EIF4E: variants seen among roughly 807,000 people sequenced by gnomAD.
EIF4E encodes eukaryotic translation initiation factor 4E.
For synonymous variants in EIF4E, 71 were observed against 88.5 expected, an observed-to-expected ratio of 0.80 and a Z score of 1.11; for missense variants, 113 against 265.6, an observed-to-expected ratio of 0.43 and a Z score of 3.99.
chr4:98,896,208 T>TAAAAG (rs1724378227), intron 2 of EIF4E, among the ~76,000 whole-genome samples: 1 of 150,708 alleles, frequency 6.6e-6, no homozygotes, highest in African/African-American at 2.5e-5. Flanking sequence ...TAAAATAAAA[T>TAAAAG]AAAATAAAAT....
At chr4:98,900,595 T>A (rs996141182) in intron 2 of EIF4E, among the ~76,000 whole-genome samples, 2 of 152,168 alleles carry the variant, frequency 1.3e-5, no homozygotes, top group African/African-American at 4.8e-5. Flanking sequence ...AGAAATGAAC[T>A]GAAATACTTC....
chr4:98,924,100 C>T (rs1484051165), intron 1 of EIF4E, among the ~76,000 whole-genome samples: 1 of 146,988 alleles, frequency 6.8e-6, no homozygotes. Flanking sequence ...TTTTTTGAGA[C>T]GGAGTCTCGC....
At chr4:98,924,696 G>T (rs972790583) in intron 1 of EIF4E, among the ~76,000 whole-genome samples, 4 of 152,042 alleles carry the variant, frequency 2.6e-5, no homozygotes, top group Non-Finnish European at 5.9e-5. Flanking sequence ...AGGTTCAAGC[G>T]ATTCTCCTGC....
chr4:98,915,205 C>A (rs769039279), intron 1 of EIF4E, among the ~76,000 whole-genome samples: 4 of 152,200 alleles, frequency 2.6e-5, no homozygotes, highest in African/African-American at 4.8e-5. Context: ...CCTGCCTCAG[C>A]CTCCCAAAGT....
chr4:98,897,025 T>G (rs1229895743), intron 2 of EIF4E, among the ~76,000 whole-genome samples: 5 of 152,172 alleles, frequency 3.3e-5, no homozygotes, highest in African/African-American at 4.8e-5. Flanking sequence ...CAACAAGGAA[T>G]TATTTAAATC....
chr4:98,915,107 C>T (rs1170792795), intron 1 of EIF4E, among the ~76,000 whole-genome samples: 1 of 152,076 alleles, frequency 6.6e-6, no homozygotes, highest in African/African-American at 2.4e-5. Flanking sequence ...CCACACCCAG[C>T]TAGTTTTTTG....
chr4:98,891,467 C>A (rs1724140026), intron 2 of EIF4E, 135 bp from the exon 3 acceptor site: 1 of 712,860 alleles, frequency 1.4e-6, no homozygotes, highest in Non-Finnish European at 2.4e-6. Flanking sequence ...TATATACACA[C>A]AATGGAATAC....
chr4:98,909,313 T>C (rs1560647625), intron 1 of EIF4E, among the ~76,000 whole-genome samples: 1 of 152,264 alleles, frequency 6.6e-6, no homozygotes, highest in Non-Finnish European at 1.5e-5. Flanking sequence ...CATTATTTAA[T>C]ACAAATATGT....
chr4:98,913,428 T>G (rs1725237970), intron 1 of EIF4E, among the ~76,000 whole-genome samples: 1 of 151,974 alleles, frequency 6.6e-6, no homozygotes, highest in African/African-American at 2.4e-5. Context: ...ACTCCTAGGC[T>G]CAAGAGACGA....
intron 1 of EIF4E, chr4:98,909,494 GA>G: frequency 1.7e-6 from 1 of 576,570 alleles, no homozygotes; most frequent in Non-Finnish European, 3.1e-6. Context: ...ATGTAAACTG[GA>G]CCCCATGATT....
chr4:98,923,799 TA>T (rs1456472596), intron 1 of EIF4E, among the ~76,000 whole-genome samples: 4 of 152,248 alleles, frequency 2.6e-5, no homozygotes, highest in Non-Finnish European at 4.4e-5. Context: ...AAATAGTATG[TA>T]AATGCATGGA....
At chr4:98,901,638 C>T (rs1579165198) in intron 2 of EIF4E, among the ~76,000 whole-genome samples, 1 of 152,222 alleles carries the variant, frequency 6.6e-6, no homozygotes, top group African/African-American at 2.4e-5. Flanking sequence ...AACTTATTTA[C>T]TAATGTGGCT....
intron 1 of EIF4E, among the ~76,000 whole-genome samples, chr4:98,909,148 A>C (rs1725001236): frequency 6.6e-6 from 1 of 152,176 alleles, no homozygotes; most frequent in South Asian, 2.1e-4. Flanking sequence ...CCAGACACAC[A>C]AAAAAACCCA....
chr4:98,928,664 C>T (rs947030966), intron 1 of EIF4E, among the ~76,000 whole-genome samples: 2 of 152,120 alleles, frequency 1.3e-5, no homozygotes, highest in Non-Finnish European at 2.9e-5. Context: ...GGAAAGGCTG[C>T]TCCAGGGCTC....
chr4:98,887,003 T>TAAATTAA lies in EIF4E; in HGVS notation c.399+75_399+76insTTAATTT. The stretch of plus-strand genomic sequence containing the variant: ...TCCTTCTCTTAAATTAAGTAACAAA[T>TAAATTAA]GTAAAACATAACATATCTTAAGTAT... On this transcript the variant is annotated intron_variant, in intron 5 of 6. Transcript: ENST00000450253. This position sits in a 1 kb window ranked among gnomAD's most constrained non-coding sequence, Gnocchi z 4.0. 1 of 1,438,362 alleles carries TAAATTAA rather than the reference T, an allele frequency of 7.0e-7. No individual in the cohort carries two copies. Among genetic ancestry groups the TAAATTAA allele is most frequent in the Non-Finnish European group, 9.8e-7 (1 of 1,023,652 alleles). The allele number at this position is 1,438,362 out of a possible 1,614,324, so 89.1% of individuals were successfully genotyped here.
intron 1 of EIF4E, among the ~76,000 whole-genome samples, chr4:98,902,553 T>A (rs556596291): frequency 2.0e-5 from 3 of 152,316 alleles, no homozygotes; most frequent in South Asian, 2.1e-4. Context: ...ACTTTTTTTT[T>A]TAAATAGCAG....
At chr4:98,890,050 T>C (rs1724085115) in intron 3 of EIF4E, among the ~76,000 whole-genome samples, 1 of 152,234 alleles carries the variant, frequency 6.6e-6, no homozygotes, top group Non-Finnish European at 1.5e-5. Context: ...TACTCTCAAA[T>C]GAATGTTCTC....
chr4:98,904,093 T>G (rs1724760074), intron 1 of EIF4E, among the ~76,000 whole-genome samples: 1 of 151,794 alleles, frequency 6.6e-6, no homozygotes, highest in Non-Finnish European at 1.5e-5. Context: ...AACTGGCACT[T>G]TCAGAGCGTA....
intron 6 of EIF4E, among the ~76,000 whole-genome samples, chr4:98,882,518 T>A (rs1723741913): frequency 6.6e-6 from 1 of 151,710 alleles, no homozygotes; most frequent in African/African-American, 2.4e-5. Flanking sequence ...TCCTCCAACA[T>A]GATACTAGGA....
Sources: allele counts gnomAD v4.1 joint callset (sites outside exome capture counted in the v4.1 genomes callset), GRCh38; gene constraint gnomAD v4.1.1; non-coding constraint Gnocchi (gnomAD v3.1); transcripts MANE v1.5; gene names NCBI Gene and HGNC (gene_info 2026-07-23, HGNC 2026-07-21).